The following HLA-G variants were observed in gnomAD, a reference collection of about 807,000 sequenced individuals.
HLA-G encodes major histocompatibility complex, class I, G.
Under a neutral mutation model 39.3 loss-of-function variants are expected in HLA-G, and 34 were observed. That is an observed-to-expected ratio of 0.86 (90% CI 0.66 to 1.15). The LOEUF is 1.15. HLA-G is among the 50% of genes most tolerant of loss of function. The pLI is 0.00. For synonymous variants in HLA-G, 183 were observed against 185.8 expected, an observed-to-expected ratio of 0.99 and a Z score of 0.12; for missense variants, 419 against 456.4, an observed-to-expected ratio of 0.92 and a Z score of 0.75.
chr6:29,830,045 G>C, intron 5 of HLA-G, 113 bp downstream of exon 5: 1 of 789,832 alleles, frequency 1.3e-6, no homozygotes, highest in Non-Finnish European at 2.1e-6. Context: ...CACACTCATG[G>C]GCCTACCCAG....
intron 2 of HLA-G, 70 bp downstream of exon 2, chr6:29,828,386 C>T: frequency 1.9e-6 from 3 of 1,559,384 alleles, no homozygotes; most frequent in Non-Finnish European, 2.6e-6. Flanking sequence ...CCCGGGTACT[C>T]CCGAGTCTCC....
In HLA-G at chr6:29,829,759, C is replaced by G; in HGVS notation, c.896-57C>G. 1.9e-6 allele frequency: 3 copies of G among 1,603,302 alleles called. No homozygotes were observed. In the South Asian group the frequency reaches 3.3e-5, roughly 18 times the overall value. On this transcript the variant is annotated intron_variant, in intron 4 of 6. Transcript: ENST00000360323. ...CAGGAGCCTCTCTGAAGACCTTTAA[C>G]AGGGTCGGTGGTGAGGGCTGGGGGT...
rs1761063373 is a variant in HLA-G at position 29,829,482 on chromosome 6, G to C, written c.684G>C (p.Trp228Cys). Residue 228 changes from tryptophan (W) to cysteine (C), a missense_variant, in exon 4 of 7, where the codon TGG becomes TGC. Physicochemically the swap from Trp to Cys is radical, Grantham distance 215 (BLOSUM62 -2). Around this residue, in one of 2 missense-constraint regions of HLA-G, gnomAD observed 328 missense variants for 323.0 expected, o/e 1.02. Coordinates refer to ENST00000360323, the MANE Select transcript of HLA-G (RefSeq NM_001384290.1). ...VFDYEATLRC[W>C]ALGFYPAEII... ...ACTATGAGGCCACCCTGAGGTGCTG[G>C]GCCCTGGGCTTCTACCCTGCGGAGA... is the stretch of plus-strand genomic sequence containing the variant. The C allele has an allele frequency of 6.2e-7, 1 of 1,613,868 alleles. No homozygotes were observed. Among genetic ancestry groups the C allele is most frequent in the African/African-American group, 1.3e-5 (1 of 74,992 alleles).
chr6:29,827,476 C>A (rs1632943), upstream of HLA-G: 198,423 of 364,098 alleles, frequency 0.54, 55,773 homozygotes, highest in South Asian at 0.7. Flanking sequence ...AGGGAGAGGG[C>A]CAGGGACCTT....
chr6:29,829,753 C>G, intron 4 of HLA-G, 60 bp downstream of exon 4: 2 of 1,605,304 alleles, frequency 1.2e-6, no homozygotes, highest in Non-Finnish European at 1.7e-6. Context: ...CTCTGAAGAC[C>G]TTTAACAGGG....
intron 2 of HLA-G, 72 bp downstream of exon 2, chr6:29,828,388 C>A: frequency 6.4e-7 from 1 of 1,558,670 alleles, no homozygotes; most frequent in East Asian, 2.3e-5. Context: ...CGGGTACTCC[C>A]GAGTCTCCGG....
At chr6:29,828,919 C>T (rs1284155107) in intron 3 of HLA-G, 101 bp downstream of exon 3, 16 of 1,478,820 alleles carry the variant, frequency 1.1e-5, no homozygotes, top group Non-Finnish European at 1.3e-5. Flanking sequence ...AGAATATCGC[C>T]CTCCCTCTGG....
chr6:29,830,865 C>T lies in HLA-G; in HGVS notation c.*126C>T, dbSNP rs17179108. ...GTGCAGAGACCAGCCCACCCCTGTG[C>T]CCACCATGACCCTCTTCCTCATGCT... On this transcript the variant is annotated 3_prime_UTR_variant, in exon 7 of 7. Transcript: ENST00000360323. The T allele has an allele frequency of 0.14, 54,057 of 390,066 alleles. 5,502 individuals carry two copies. The highest frequency in any genetic ancestry group is 0.23 in the South Asian group (12,427 of 54,410). 24.2% of individuals were successfully genotyped at this position (390,066 alleles called of 1,614,324 possible).
rs1761075760 is a variant in HLA-G at position 29,829,548 on chromosome 6, G to T, written c.750G>T (p.Gln250His). The stretch of plus-strand genomic sequence containing the variant: ...AGCGGGATGGGGAGGACCAGACCCA[G>T]GACGTGGAGCTCGTGGAGACCAGGC... Reference protein sequence around the residue: ...TWQRDGEDQTQDVELVETRPA... With the variant: ...TWQRDGEDQTHDVELVETRPA... The change falls in exon 4 of 7, where the codon CAG (glutamine) becomes CAT (histidine). Residue 250 changes from glutamine to histidine, a missense_variant. Gln to His is a conservative substitution (Grantham distance 24, BLOSUM62 0). This residue lies in a region of HLA-G where 328 missense variants were observed against 323.0 expected (regional missense o/e 1.02). Coordinates refer to ENST00000360323, the MANE Select transcript of HLA-G (RefSeq NM_001384290.1). 2 of 1,613,916 alleles carry T rather than the reference G, an allele frequency of 1.2e-6. No homozygotes were observed. Among genetic ancestry groups the T allele is most frequent in the South Asian group, 2.2e-5 (2 of 91,074 alleles).
At chr6:29,829,124 C>A (rs956914752) in intron 3 of HLA-G, among the ~76,000 whole-genome samples, 10 of 152,152 alleles carry the variant, frequency 6.6e-5, no homozygotes, top group Non-Finnish European at 4.4e-5. Context: ...TCCCCTCAGG[C>A]CTTGTTCTCT....
At chr6:29,827,996 A>T in intron 1 of HLA-G, 51 bp from the exon 2 acceptor site, 1 of 1,595,814 alleles carries the variant, frequency 6.3e-7, no homozygotes. Flanking sequence ...AGGACTCGGC[A>T]GCCGCGCCGG....
chr6:29,829,761 G>T, intron 4 of HLA-G, 55 bp from the exon 5 acceptor site: 1 of 1,603,464 alleles, frequency 6.2e-7, no homozygotes, highest in Non-Finnish European at 8.5e-7. Context: ...ACCTTTAACA[G>T]GGTCGGTGGT....
chr6:29,829,561 G>A lies in HLA-G; in HGVS notation c.763G>A (p.Val255Met), dbSNP rs1216496794. The stretch of plus-strand genomic sequence containing the variant: ...GGACCAGACCCAGGACGTGGAGCTC[G>A]TGGAGACCAGGCCTGCAGGGGATGG... ...GEDQTQDVELVETRPAGDGTF... is the reference protein window; with the variant it reads ...GEDQTQDVELMETRPAGDGTF... Residue 255 changes from valine to methionine, a missense_variant, in exon 4 of 7, where the codon GTG becomes ATG. By Grantham distance (21) the Val-to-Met change is conservative. Coordinates refer to ENST00000360323, the MANE Select transcript of HLA-G (RefSeq NM_001384290.1). 21 of 1,613,952 alleles carry A rather than the reference G, an allele frequency of 1.3e-5. No homozygotes were observed. The highest frequency in any genetic ancestry group is 3.3e-5 in the Admixed American group (2 of 59,990).
chr6:29,826,592 T>G (rs1760707996), upstream of HLA-G, among the ~76,000 whole-genome samples: 2 of 151,902 alleles, frequency 1.3e-5, no homozygotes, highest in South Asian at 4.2e-4. Context: ...GCCTGAGGGA[T>G]GAGAGGGACG....
At chr6:29,830,574 C>G in intron 6 of HLA-G, 164 bp downstream of exon 6, 1 of 780,774 alleles carries the variant, frequency 1.3e-6, no homozygotes, top group Non-Finnish European at 2.4e-6. Context: ...GCCCAGGGCT[C>G]TAATGTGTCT....
Position 29,829,663 on chromosome 6 carries a change from G to A in HLA-G, c.865G>A (p.Gly289Arg). 1.2e-6 allele frequency: 2 copies of A among 1,613,922 alleles called. No homozygotes were observed. Among genetic ancestry groups the A allele is most frequent in the African/African-American group, 1.3e-5 (1 of 74,994 alleles). ...QRYTCHVQHE[G>R]LPEPLMLRWK... is the part of the protein sequence containing the mutation. ...ATACACGTGCCATGTGCAGCATGAGGGGCTGCCGGAGCCCCTCATGCTGAG... is the reference window on the plus strand; with the variant it reads ...ATACACGTGCCATGTGCAGCATGAGAGGCTGCCGGAGCCCCTCATGCTGAG... The change falls in exon 4 of 7, where the codon GGG becomes AGG. Residue 289 changes from glycine to arginine, a missense_variant. Physicochemically the swap from Gly to Arg is moderately radical, Grantham distance 125 (BLOSUM62 -2). Around this residue, in one of 2 missense-constraint regions of HLA-G, gnomAD observed 328 missense variants for 323.0 expected, o/e 1.02. Transcript: ENST00000360323.
At position 29,829,988 on chromosome 6, in the gene HLA-G, A is replaced by G. The variant is rs1056432783; in HGVS notation, c.1012+56A>G. 3.1e-6 allele frequency: 4 copies of G among 1,298,032 alleles called. No homozygotes were observed. In the African/African-American group the frequency reaches 5.8e-5, roughly 19 times the overall value. The allele number at this position is 1,298,032 out of a possible 1,614,324, so 80.4% of individuals were successfully genotyped here. A position where few individuals can be genotyped will look rare whatever the true frequency, so the allele number is the denominator to read the frequency against. ...TTTTCTTGTCCCACTGGGGGTTTCA[A>G]GCCCCAGGTAGAAGTGTGCCCTGCC... On this transcript the variant is annotated intron_variant, in intron 5 of 6. Transcript: ENST00000360323.
rs1469197662 is a variant in HLA-G at position 29,827,907 on chromosome 6, G to A, written c.63G>A (p.Glu21=). Residue 21 remains glutamate (E), a synonymous_variant, in exon 1 of 7, where the codon GAG becomes GAA. Transcript: ENST00000360323. ...LLLSGALTLT[E]TWAGSHSMRY... ...TCTCGGGGGCCCTGACCCTGACCGA[G>A]ACCTGGGCGGGTGAGTGCGGGGTCA... The A allele has an allele frequency of 1.2e-6, 2 of 1,611,828 alleles. No individual in the cohort carries two copies. The highest frequency in any genetic ancestry group is 2.7e-5 in the African/African-American group (2 of 74,870).
upstream of HLA-G, chr6:29,827,700 C>G (rs542140276): frequency 1.6e-4 from 128 of 814,980 alleles, no homozygotes; most frequent in African/African-American, 2.0e-3. Context: ...TGTGTCGGGT[C>G]CTTCTTCCTG....
Sources: gnomAD v4.1 joint callset for allele counts (sites outside exome capture counted in the v4.1 genomes callset) on GRCh38, gnomAD v4.1.1 for gene constraint, gnomAD v4.1.1 regional missense constraint, MANE v1.5 for transcripts, NCBI Gene and HGNC (gene_info 2026-07-23, HGNC 2026-07-21) for gene names.